The following FBXW8 variants were observed in gnomAD, a reference collection of about 807,000 sequenced individuals.
FBXW8 encodes F-box and WD repeat domain containing 8, also known as F-box/WD repeat-containing protein 8.
Under a neutral mutation model 65.3 loss-of-function variants are expected in FBXW8, and 57 were observed. The ratio of observed to expected loss-of-function variants is 0.87; its 90% CI spans 0.71 to 1.09. The LOEUF (loss-of-function observed/expected upper bound fraction) is 1.09, where lower values mean the gene tolerates loss of function less well. Among genes scored for constraint, FBXW8 ranks in the 50% least tolerant of loss-of-function variants. The probability of loss-of-function intolerance (pLI) is 0.00; values close to 1 mark genes in which losing one functional copy is unlikely to be tolerated. For missense variants in FBXW8, 777 were observed against 814.8 expected, an observed-to-expected ratio of 0.95 and a Z score of 0.57; for synonymous variants, 308 against 330.2, an observed-to-expected ratio of 0.93 and a Z score of 0.73.
chr12:117,027,574 G>T, intron 10 of FBXW8, 70 bp downstream of exon 10: 1 of 1,146,066 alleles, frequency 8.7e-7, no homozygotes. Flanking sequence ...CACCCCCCCC[G>T]CCGTGACACA....
At chr12:117,017,239 T>C (rs576044828) in intron 8 of FBXW8, among the ~76,000 whole-genome samples, 2 of 152,374 alleles carry the variant, frequency 1.3e-5, no homozygotes, top group South Asian at 4.1e-4. Flanking sequence ...CTTTGTCCAC[T>C]GAATGGACTT....
chr12:117,017,064 T>C (rs554114226), intron 8 of FBXW8, among the ~76,000 whole-genome samples: 1 of 152,350 alleles, frequency 6.6e-6, no homozygotes, highest in East Asian at 1.9e-4. Context: ...AAATAAGTAA[T>C]GTAACAGTAA....
chr12:116,966,002 A>G (rs1884300849), intron 5 of FBXW8, among the ~76,000 whole-genome samples: 1 of 150,018 alleles, frequency 6.7e-6, no homozygotes, highest in African/African-American at 2.5e-5. Flanking sequence ...AGCTCAAACT[A>G]TCCACCTGCT....
intron 4 of FBXW8, 123 bp downstream of exon 4, chr12:116,949,829 C>T (rs1255020649): frequency 5.7e-6 from 5 of 884,516 alleles, no homozygotes; most frequent in Non-Finnish European, 5.6e-6. Context: ...CAGTTACAGC[C>T]CATGTGGAAG....
At chr12:116,933,514 G>A (rs1284070947) in intron 2 of FBXW8, among the ~76,000 whole-genome samples, 1 of 152,184 alleles carries the variant, frequency 6.6e-6, no homozygotes, top group Non-Finnish European at 1.5e-5. Flanking sequence ...TTCTGCAGGT[G>A]TGAACAGTTT....
intron 2 of FBXW8, among the ~76,000 whole-genome samples, chr12:116,938,933 G>A (rs1882364140): frequency 6.6e-6 from 1 of 152,170 alleles, no homozygotes; most frequent in South Asian, 2.1e-4. Context: ...TGCATCCATG[G>A]GATCTCTGTC....
At position 117,025,736 on chromosome 12, in the gene FBXW8, C is replaced by T. The variant is rs760139525; in HGVS notation, c.1541+1416C>T. On this transcript the variant is annotated intron_variant, in intron 9 of 10. Transcript: ENST00000652555. ...TGAATTGCCACCAGGTGGTGCCAAA[C>T]GGCAACTAAAACTCCCGCACTGAAA... Among the ~76,000 whole-genome samples the T allele has an allele frequency of 4.6e-5, 7 of 152,346 alleles. No individual in the cohort carries two copies. In the East Asian group the frequency reaches 5.8e-4, roughly 13 times the overall value.
At chr12:116,940,092 A>G (rs931156631) in intron 2 of FBXW8, among the ~76,000 whole-genome samples, 6 of 152,320 alleles carry the variant, frequency 3.9e-5, no homozygotes, top group African/African-American at 9.6e-5. Context: ...CCTTAAGGCT[A>G]AGATGGAGAA....
At position 116,953,853 on chromosome 12, in the gene FBXW8, C is replaced by T. The variant is rs192864811; in HGVS notation, c.677+4147C>T. Reference sequence around the variant, plus strand: ...AAAACCAGCCGGGCATGGTGGCTCACGCCTGTAATCCCAGCACTTTGGGAG... The same window carrying T: ...AAAACCAGCCGGGCATGGTGGCTCATGCCTGTAATCCCAGCACTTTGGGAG... On this transcript the variant is annotated intron_variant, in intron 4 of 10. Transcript: ENST00000652555. Among the ~76,000 whole-genome samples the T allele has an allele frequency of 3.5e-4, 53 of 151,724 alleles. 1 individual carries two copies. In the East Asian group the frequency reaches 6.4e-3, roughly 18 times the overall value.
intron 5 of FBXW8, among the ~76,000 whole-genome samples, chr12:116,972,667 T>C (rs1884706335): frequency 6.6e-6 from 1 of 152,142 alleles, no homozygotes; most frequent in Non-Finnish European, 1.5e-5. Flanking sequence ...GCCAGTTCTC[T>C]CATGCTTGGA....
At chr12:116,984,904 C>T (rs945651435) in intron 5 of FBXW8, among the ~76,000 whole-genome samples, 2 of 152,156 alleles carry the variant, frequency 1.3e-5, no homozygotes, top group Non-Finnish European at 2.9e-5. Flanking sequence ...GCAGGAAGAT[C>T]ACTTAGGCCC....
rs1423002219 is a variant in FBXW8, at chr12:116,976,539, TC to T, written c.836-8665del. ...GGTATAATCTCAGCTCGCTGCAACC[TC>T]CACCTCCCAGGTTCAAGCGATTCTT... On this transcript the variant is annotated intron_variant, in intron 5 of 10. Coordinates refer to ENST00000652555, the MANE Select transcript of FBXW8 (RefSeq NM_153348.3). Among the ~76,000 whole-genome samples the T allele has an allele frequency of 6.2e-5, 8 of 129,080 alleles. No homozygotes were observed. In the East Asian group the frequency reaches 2.1e-3, roughly 33 times the overall value. The allele number at this position is 129,080 out of a possible 152,430, so 84.7% of individuals were successfully genotyped here. A position where few individuals can be genotyped will look rare whatever the true frequency, so the allele number is the denominator to read the frequency against.
At chr12:116,918,001 AAAAC>A (rs1445818291) in intron 1 of FBXW8, among the ~76,000 whole-genome samples, 2 of 151,086 alleles carry the variant, frequency 1.3e-5, no homozygotes, top group African/African-American at 4.9e-5. Flanking sequence ...CAAAAAAAAA[AAAAC>A]AAAAAAAAAA....
At chr12:116,955,612 A>G (rs909687057) in intron 4 of FBXW8, among the ~76,000 whole-genome samples, 41 of 152,132 alleles carry the variant, frequency 2.7e-4, no homozygotes, top group African/African-American at 8.7e-4. Context: ...TCTTTGATTT[A>G]TTGTGGTAAC....
In FBXW8 at chr12:116,964,770, G is replaced by A. The variant is rs749244257; in HGVS notation, c.751G>A (p.Asp251Asn). The A allele has an allele frequency of 1.2e-6, 2 of 1,613,560 alleles. No homozygotes were observed. The highest frequency in any genetic ancestry group is 1.7e-6 in the Non-Finnish European group (2 of 1,180,010). ...DYVAPFLESE[D>N]EEDEPGMQPN... The stretch of plus-strand genomic sequence containing the variant: ...CGTAGCCCCCTTCCTGGAATCAGAG[G>A]ACGAGGAGGATGAGCCTGGAATGCA... The change falls in exon 5 of 11, where the codon GAC becomes AAC. Residue 251 changes from aspartate to asparagine, a missense_variant. Asp to Asn is a conservative substitution (Grantham distance 23). Transcript: ENST00000652555.
chr12:116,974,269 T>C (rs1884795446), intron 5 of FBXW8, among the ~76,000 whole-genome samples: 1 of 152,192 alleles, frequency 6.6e-6, no homozygotes, highest in Non-Finnish European at 1.5e-5. Flanking sequence ...TGCACATGTG[T>C]AAGAGGAAAT....
rs113837266 is a variant in FBXW8, at chr12:116,987,708, CAAAA to C, written c.1033-952_1033-949del. On this transcript the variant is annotated intron_variant, in intron 6 of 10. Coordinates refer to ENST00000652555, the MANE Select transcript of FBXW8 (RefSeq NM_153348.3). Reference sequence around the variant, plus strand: ...AGTTCATTGTAAACAAACAAACAAACAAAAAACACAACAAAACCAAAAAAACCCC... The same window carrying C: ...AGTTCATTGTAAACAAACAAACAAACAACACAACAAAACCAAAAAAACCCC... Among the ~76,000 whole-genome samples, 1,258 of 151,926 alleles carry C rather than the reference CAAAA, an allele frequency of 8.3e-3. 20 individuals carry two copies. The highest frequency in any genetic ancestry group is 0.029 in the African/African-American group (1,194 of 41,274).
At chr12:116,995,339 C>G (rs937847649) in intron 7 of FBXW8, among the ~76,000 whole-genome samples, 2 of 152,182 alleles carry the variant, frequency 1.3e-5, no homozygotes, top group African/African-American at 4.8e-5. Flanking sequence ...CCTTTGGGCT[C>G]CTGTCCCAAA....
At chr12:116,925,360 C>T (rs1029468797) in intron 1 of FBXW8, among the ~76,000 whole-genome samples, 2 of 152,094 alleles carry the variant, frequency 1.3e-5, no homozygotes, top group African/African-American at 4.8e-5. Flanking sequence ...TGAGTGGGAC[C>T]GGAAGCGGGA....
Sources: gnomAD v4.1 joint callset for allele counts (sites outside exome capture counted in the v4.1 genomes callset) on GRCh38, gnomAD v4.1.1 for gene constraint, MANE v1.5 for transcripts, NCBI Gene and HGNC (gene_info 2026-07-23, HGNC 2026-07-21) for gene names.